Variants in TMTC2 observed in about 807,000 individuals in gnomAD.
TMTC2 encodes transmembrane O-mannosyltransferase targeting cadherins 2, also known as protein O-mannosyl-transferase TMTC2.
Under a neutral mutation model 82.4 loss-of-function variants are expected in TMTC2, and 43 were observed. The observed-to-expected ratio is 0.52, with a 90% CI of 0.41 to 0.67. The LOEUF is 0.67. TMTC2 is among the 30% of genes least tolerant of loss of function. The pLI is 0.00. For synonymous variants in TMTC2, 408 were observed against 381.9 expected (o/e 1.07, Z -0.80); for missense variants, 919 against 1,012.4 (o/e 0.91, Z 1.25).
chr12:83,039,057 G>C (rs999086831), intron 9 of TMTC2, among the ~76,000 whole-genome samples: 1 of 150,358 alleles, frequency 6.7e-6, no homozygotes, highest in Non-Finnish European at 1.5e-5. Flanking sequence ...TTAGCTTCCC[G>C]AATAGCCGGT....
intron 4 of TMTC2, among the ~76,000 whole-genome samples, chr12:82,944,507 A>G (rs1682607): frequency 0.92 from 136,813 of 149,018 alleles, 62,888 homozygotes; most frequent in East Asian, 1. Flanking sequence ...AACCCGGGAG[A>G]TGGCGCTTGC....
chr12:82,981,125 C>T (rs535428740), intron 7 of TMTC2, among the ~76,000 whole-genome samples: 21 of 151,896 alleles, frequency 1.4e-4, no homozygotes, highest in Non-Finnish European at 2.5e-4. Context: ...TTTAAGAAGG[C>T]ATTTAACAAT....
intron 1 of TMTC2, among the ~76,000 whole-genome samples, chr12:82,711,546 G>C (rs1873619848): frequency 6.6e-6 from 1 of 152,040 alleles, no homozygotes; most frequent in Non-Finnish European, 1.5e-5. Context: ...AGAAACCACT[G>C]ATTTGGATAA....
intron 2 of TMTC2, among the ~76,000 whole-genome samples, chr12:82,893,652 CT>C (rs1319819296): frequency 1.3e-5 from 2 of 151,870 alleles, no homozygotes; most frequent in Non-Finnish European, 1.5e-5. Flanking sequence ...ACCACCTATT[CT>C]TTTGCTTCTC....
intron 10 of TMTC2, among the ~76,000 whole-genome samples, chr12:83,052,695 A>G (rs1252887113): frequency 2.0e-5 from 3 of 152,206 alleles, no homozygotes; most frequent in African/African-American, 4.8e-5. Context: ...TTCAAGGTCT[A>G]CCAATAGAAA....
At chr12:82,834,381 CCT>C (rs1869915966) in intron 1 of TMTC2, among the ~76,000 whole-genome samples, 1 of 152,162 alleles carries the variant, frequency 6.6e-6, no homozygotes, top group Non-Finnish European at 1.5e-5. Context: ...AACTCTATAA[CCT>C]CTGTTTGTGA....
At chr12:82,892,320 G>A (rs1193338514) in intron 2 of TMTC2, among the ~76,000 whole-genome samples, 1 of 151,906 alleles carries the variant, frequency 6.6e-6, no homozygotes, top group Non-Finnish European at 1.5e-5. Flanking sequence ...TCAGTACTTA[G>A]ACATATAATA....
At chr12:82,766,847 A>G (rs759182179) in intron 1 of TMTC2, among the ~76,000 whole-genome samples, 27 of 151,592 alleles carry the variant, frequency 1.8e-4, no homozygotes, top group Non-Finnish European at 4.0e-4. Flanking sequence ...ACAACAGACT[A>G]TAGTGCGGTG....
chr12:82,735,969 TCA>T (rs148485109), intron 1 of TMTC2, among the ~76,000 whole-genome samples: 37,460 of 145,296 alleles, frequency 0.26, 5,008 homozygotes, highest in East Asian at 0.4. Flanking sequence ...CGAGACTCCG[TCA>T]CACACACACA....
intron 1 of TMTC2, among the ~76,000 whole-genome samples, chr12:82,723,390 C>G (rs925203643): frequency 2.6e-5 from 4 of 152,082 alleles, no homozygotes; most frequent in African/African-American, 9.7e-5. Flanking sequence ...GAGTTAAGAT[C>G]TAATAAAGGT....
At chr12:82,912,797 G>A (rs1874756149) in intron 3 of TMTC2, among the ~76,000 whole-genome samples, 3 of 152,052 alleles carry the variant, frequency 2.0e-5, no homozygotes, top group Admixed American at 2.0e-4. Context: ...AAATAGCTGA[G>A]TGTGGTGGTG....
intron 8 of TMTC2, among the ~76,000 whole-genome samples, chr12:83,018,735 C>G (rs1880788975): frequency 6.6e-6 from 1 of 150,814 alleles, no homozygotes; most frequent in East Asian, 2.0e-4. Flanking sequence ...GAGTATCACT[C>G]AGGTCTCAAG....
intron 1 of TMTC2, 77 bp downstream of exon 1, chr12:82,687,746 G>C: frequency 7.2e-7 from 1 of 1,396,236 alleles, no homozygotes; most frequent in Non-Finnish European, 1.0e-6. Context: ...CCTCTTTAAG[G>C]CTCAAAGTGC....
intron 3 of TMTC2, among the ~76,000 whole-genome samples, chr12:82,924,288 G>T (rs1256004403): frequency 2.0e-5 from 3 of 152,154 alleles, no homozygotes; most frequent in African/African-American, 7.2e-5. Context: ...GGAAGTGAGG[G>T]TTTTATTTTG....
chr12:82,876,071 GATGATGATGGTGATTAGTATTCATAA>G (rs1872520340), intron 2 of TMTC2, among the ~76,000 whole-genome samples: 13 of 119,092 alleles, frequency 1.1e-4, no homozygotes, highest in African/African-American at 2.8e-4. Context: ...TGGTGGTGAT[GATGATGATGGTGATTAGTATTCATAA>G]TGGTGGTGGT....
rs1873620268 is a variant in TMTC2, at chr12:82,895,607, A to G, written c.655-211A>G. ...ATAAGAAAAGATAATCAAAAAATAT[A>G]TACAAACTACGATTTCAGATTCAGG... On this transcript the variant is annotated intron_variant, in intron 2 of 11. Coordinates refer to ENST00000321196, the MANE Select transcript of TMTC2 (RefSeq NM_152588.3). Among the ~76,000 whole-genome samples the G allele has an allele frequency of 7.9e-5, 12 of 152,316 alleles. 2 individuals carry two copies. The South Asian group carries it at 2.5e-3, about 32-fold the overall frequency.
At chr12:83,013,619 A>G (rs1880552149) in intron 8 of TMTC2, among the ~76,000 whole-genome samples, 1 of 152,152 alleles carries the variant, frequency 6.6e-6, no homozygotes, top group Admixed American at 6.5e-5. Flanking sequence ...ATGTTAACAT[A>G]CTCATCTGTA....
chr12:83,049,665 C>T (rs778324655), intron 9 of TMTC2, among the ~76,000 whole-genome samples: 8 of 152,076 alleles, frequency 5.3e-5, no homozygotes, highest in African/African-American at 1.4e-4. Flanking sequence ...TCTATTATTT[C>T]GCGTATGTAC....
At chr12:82,784,629 C>T (rs911246961) in intron 1 of TMTC2, among the ~76,000 whole-genome samples, 8 of 152,042 alleles carry the variant, frequency 5.3e-5, no homozygotes, top group African/African-American at 1.7e-4. Flanking sequence ...TTAAAGCCAC[C>T]TCTATTTGTA....
Sources: gnomAD v4.1 joint callset for allele counts (sites outside exome capture counted in the v4.1 genomes callset) on GRCh38, gnomAD v4.1.1 for gene constraint, MANE v1.5 for transcripts, NCBI Gene and HGNC (gene_info 2026-07-23, HGNC 2026-07-21) for gene names.